DPP6: variants seen among roughly 807,000 people sequenced by gnomAD.
DPP6 encodes A-type potassium channel modulatory protein DPP6.
Under a neutral mutation model 122.6 loss-of-function variants are expected in DPP6, and 69 were observed. That is an observed-to-expected ratio of 0.56 (90% CI 0.46 to 0.69). The LOEUF (loss-of-function observed/expected upper bound fraction) is 0.69. Ranked by LOEUF, DPP6 falls within the 30% of genes least tolerant of loss-of-function variation. The pLI, the probability that DPP6 is intolerant of heterozygous loss-of-function variation, is 0.00. For synonymous variants in DPP6, 418 were observed against 433.1 expected, an observed-to-expected ratio of 0.97 and a Z score of 0.43; for missense variants, 928 against 1,116.9, an observed-to-expected ratio of 0.83 and a Z score of 2.41.
At chr7:154,599,497 A>T (rs904623842) in intron 5 of DPP6, among the ~76,000 whole-genome samples, 2 of 92,198 alleles carry the variant, frequency 2.2e-5, no homozygotes, top group East Asian at 2.2e-4. Flanking sequence ...ACTTCTTTTT[A>T]TTATTATTAT....
intron 1 of DPP6, among the ~76,000 whole-genome samples, chr7:153,977,860 C>T (rs1796388534): frequency 6.6e-6 from 1 of 152,096 alleles, no homozygotes; most frequent in Non-Finnish European, 1.5e-5. Context: ...CAGCTTCATC[C>T]ATGTCCCTGA....
chr7:154,494,704 C>T (rs756857933), intron 3 of DPP6, among the ~76,000 whole-genome samples: 19 of 152,164 alleles, frequency 1.2e-4, no homozygotes, highest in Non-Finnish European at 2.2e-4. Context: ...AGAGAAAAGA[C>T]GCTGAGTACT....
At chr7:154,574,875 TGTGTGTGTGTG>T (rs1222385505) in intron 5 of DPP6, among the ~76,000 whole-genome samples, 3 of 131,128 alleles carry the variant, frequency 2.3e-5, no homozygotes, top group Non-Finnish European at 4.8e-5. Context: ...GTTTGTGTGT[TGTGTGTGTGTG>T]GTGTGTGTAT....
chr7:153,914,993 A>G (rs1190888427), intron 1 of DPP6, among the ~76,000 whole-genome samples: 3 of 152,236 alleles, frequency 2.0e-5, no homozygotes, highest in Non-Finnish European at 4.4e-5. Flanking sequence ...AAAATTGCTA[A>G]TGCCCTTTTT....
chr7:154,365,067 TG>T (rs1812040347), intron 1 of DPP6, among the ~76,000 whole-genome samples: 1 of 152,200 alleles, frequency 6.6e-6, no homozygotes, highest in Non-Finnish European at 1.5e-5. Flanking sequence ...CTGGCTCAAC[TG>T]GACTCAGAAA....
At chr7:153,852,524 A>G in the DPP6 span, among the ~76,000 whole-genome samples, 3 of 152,124 alleles carry the variant, frequency 2.0e-5, no homozygotes, top group Non-Finnish European at 4.4e-5. Context: ...TAAACCATTC[A>G]TGAGAAACTA....
chr7:154,120,041 G>A (rs1226313035), intron 1 of DPP6, among the ~76,000 whole-genome samples: 3 of 152,088 alleles, frequency 2.0e-5, no homozygotes, highest in Non-Finnish European at 4.4e-5. Context: ...CATCATTCCT[G>A]TAAAAGGTTG....
At position 154,821,651 on chromosome 7, in the gene DPP6, T is replaced by C. The variant is rs35757019; in HGVS notation, c.1666+14539T>C. Among the ~76,000 whole-genome samples the C allele has an allele frequency of 0.099, 847 of 8,524 alleles. 14 individuals are homozygous for C. The highest frequency in any genetic ancestry group is 0.19 in the African/African-American group (756 of 4,080). The allele number at this position is 8,524 out of a possible 152,430, so 5.6% of individuals were successfully genotyped here. ...CTGTATATATATATATATATACACA[T>C]ATATATATATATACACATATATATA... On this transcript the variant is annotated intron_variant, in intron 16 of 25. Coordinates refer to ENST00000377770, the MANE Select transcript of DPP6 (RefSeq NM_130797.4). The surrounding 1 kb of genome is among the most constrained non-coding windows in gnomAD (Gnocchi z 4.2).
At chr7:154,247,943 T>C (rs1802095360) in intron 1 of DPP6, among the ~76,000 whole-genome samples, 1 of 152,174 alleles carries the variant, frequency 6.6e-6, no homozygotes, top group African/African-American at 2.4e-5. Context: ...TATAACAAAG[T>C]GCCATAGACT....
the DPP6 span, among the ~76,000 whole-genome samples, chr7:153,753,478 T>C: frequency 6.6e-6 from 1 of 151,524 alleles, no homozygotes; most frequent in East Asian, 1.9e-4. Flanking sequence ...TAGCCATTTT[T>C]GCCAACAAGG....
chr7:154,130,670 G>C (rs778089331), intron 1 of DPP6, among the ~76,000 whole-genome samples: 2 of 152,094 alleles, frequency 1.3e-5, no homozygotes, highest in African/African-American at 2.4e-5. Context: ...CAGTGGCCCT[G>C]CCTCAGATCT....
At chr7:154,330,064 G>C (rs1808784065) in intron 1 of DPP6, among the ~76,000 whole-genome samples, 1 of 152,158 alleles carries the variant, frequency 6.6e-6, no homozygotes, top group Non-Finnish European at 1.5e-5. Context: ...AGACCATTAG[G>C]ACAAATACCT....
At chr7:154,312,544 C>T (rs904049124) in intron 1 of DPP6, among the ~76,000 whole-genome samples, 8 of 152,210 alleles carry the variant, frequency 5.3e-5, no homozygotes, top group African/African-American at 1.9e-4. Flanking sequence ...GAGACTCAAG[C>T]GTCACCTCGA....
chr7:154,663,800 T>C (rs1187574177), intron 6 of DPP6, among the ~76,000 whole-genome samples: 1 of 124,148 alleles, frequency 8.1e-6, no homozygotes, highest in Non-Finnish European at 1.8e-5. Flanking sequence ...ATAGTGTTCA[T>C]ATAGTCATGG....
chr7:154,656,212 G>C (rs1449188424), intron 6 of DPP6, among the ~76,000 whole-genome samples: 24 of 110,676 alleles, frequency 2.2e-4, no homozygotes, highest in African/African-American at 4.1e-4. Flanking sequence ...AGAGGGAGGT[G>C]GGGGGAGAGC....
chr7:154,839,721 G>A (rs1434365792), intron 16 of DPP6, among the ~76,000 whole-genome samples: 2 of 152,246 alleles, frequency 1.3e-5, no homozygotes, highest in Non-Finnish European at 2.9e-5. Flanking sequence ...GGAAGACTGG[G>A]AGGGAAGAGC....
At chr7:154,322,553 C>T (rs995523840) in intron 1 of DPP6, among the ~76,000 whole-genome samples, 12 of 152,166 alleles carry the variant, frequency 7.9e-5, no homozygotes, top group Non-Finnish European at 1.3e-4. Flanking sequence ...TAGAAGATTA[C>T]AAATACTGTG....
intron 8 of DPP6, among the ~76,000 whole-genome samples, chr7:154,741,313 C>T (rs891608738): frequency 1.3e-5 from 2 of 152,244 alleles, no homozygotes; most frequent in Non-Finnish European, 1.5e-5. Flanking sequence ...AGAGCCCAGG[C>T]AACCTGGCAG....
the DPP6 span, among the ~76,000 whole-genome samples, chr7:153,819,989 A>G: frequency 6.6e-6 from 1 of 152,218 alleles, no homozygotes; most frequent in Non-Finnish European, 1.5e-5. Flanking sequence ...TTCAAATGGC[A>G]AAAGTTTAGT....
Sources: allele counts gnomAD v4.1 joint callset (sites outside exome capture counted in the v4.1 genomes callset), GRCh38; gene constraint gnomAD v4.1.1; non-coding constraint Gnocchi (gnomAD v3.1); transcripts MANE v1.5; gene names NCBI Gene and HGNC (gene_info 2026-07-23, HGNC 2026-07-21).